Variants in THSD7B observed in about 807,000 individuals in gnomAD.
The protein encoded by THSD7B is thrombospondin type 1 domain containing 7B.
THSD7B carries 138 observed loss-of-function variants against 213.6 expected under a neutral mutation model. The observed-to-expected ratio is 0.65, with a 90% CI of 0.56 to 0.74. The LOEUF is 0.74. Ranked by LOEUF, THSD7B falls within the 30% of genes least tolerant of loss-of-function variation. The pLI is 0.00. For missense variants in THSD7B, 1,931 were observed against 1,991.5 expected (o/e 0.97, Z 0.58); for synonymous variants, 742 against 687.0 (o/e 1.08, Z -1.25).
chr2:137,465,717 T>G (rs987516283), intron 15 of THSD7B, among the ~76,000 whole-genome samples: 5 of 152,132 alleles, frequency 3.3e-5, no homozygotes, highest in Non-Finnish European at 5.9e-5. Context: ...GTACTACATG[T>G]TCATTGTTCT....
intron 2 of THSD7B, among the ~76,000 whole-genome samples, chr2:137,014,936 G>C (rs1170132320): frequency 1.3e-5 from 2 of 151,906 alleles, no homozygotes; most frequent in African/African-American, 4.8e-5. Context: ...TTCCCTACCT[G>C]CCTCTGTCTC....
intron 15 of THSD7B, among the ~76,000 whole-genome samples, chr2:137,542,988 T>A (rs1411056998): frequency 6.6e-6 from 1 of 151,716 alleles, no homozygotes; most frequent in East Asian, 1.9e-4. Context: ...GGTGAAAAGA[T>A]CAAAACGGAT....
chr2:137,117,733 G>T (rs75954314), intron 5 of THSD7B, among the ~76,000 whole-genome samples: 4,800 of 152,078 alleles, frequency 0.032, 120 homozygotes, highest in Admixed American at 0.06. Flanking sequence ...TACAATCTTG[G>T]GGGGGAAAAA....
chr2:136,983,414 A>G (rs1685621491), intron 2 of THSD7B, among the ~76,000 whole-genome samples: 1 of 70,472 alleles, frequency 1.4e-5, no homozygotes, highest in African/African-American at 3.6e-5. Context: ...CTTAGGAAGC[A>G]AATGGCCAAA....
At chr2:137,192,626 A>G (rs1262535423) in intron 7 of THSD7B, among the ~76,000 whole-genome samples, 1 of 152,174 alleles carries the variant, frequency 6.6e-6, no homozygotes, top group African/African-American at 2.4e-5. Flanking sequence ...ATGAATAAGG[A>G]ATAGCAGGGC....
intron 2 of THSD7B, among the ~76,000 whole-genome samples, chr2:136,934,495 A>G (rs1004619302): frequency 4.7e-4 from 71 of 152,302 alleles, no homozygotes; most frequent in African/African-American, 1.7e-3. Flanking sequence ...AACATGGATA[A>G]CTTCACTGCA....
chr2:137,306,591 C>A (rs574615511), intron 12 of THSD7B, among the ~76,000 whole-genome samples: 1 of 152,024 alleles, frequency 6.6e-6, no homozygotes, highest in Non-Finnish European at 1.5e-5. Context: ...ACCTAATGGG[C>A]ATAATTTAAA....
intron 12 of THSD7B, among the ~76,000 whole-genome samples, chr2:137,363,271 A>G (rs536448714): frequency 2.0e-5 from 3 of 152,356 alleles, no homozygotes; most frequent in East Asian, 3.9e-4. Context: ...CTAAATGCCC[A>G]CAAGAGAAAG....
At chr2:136,823,569 C>T (rs888798347) in intron 1 of THSD7B, among the ~76,000 whole-genome samples, 1 of 152,076 alleles carries the variant, frequency 6.6e-6, no homozygotes, top group Non-Finnish European at 1.5e-5. Context: ...TATCTCCATA[C>T]ATTTACTTCT....
intron 3 of THSD7B, among the ~76,000 whole-genome samples, chr2:137,083,524 G>GT (rs970768394): frequency 2.9e-4 from 44 of 152,132 alleles, no homozygotes; most frequent in Admixed American, 9.8e-4. Context: ...GTATATGCAG[G>GT]TTTTTTTCTT....
At chr2:137,153,520 A>G (rs570318934) in intron 5 of THSD7B, among the ~76,000 whole-genome samples, 11 of 152,176 alleles carry the variant, frequency 7.2e-5, no homozygotes, top group Non-Finnish European at 1.6e-4. Context: ...TAATAGGATG[A>G]GAAGTGATTT....
chr2:137,310,428 T>C (rs373337954), intron 12 of THSD7B, among the ~76,000 whole-genome samples: 27 of 146,910 alleles, frequency 1.8e-4, no homozygotes, highest in South Asian at 2.3e-4. Context: ...GAGTAGGTTG[T>C]GAAAATTTTC....
At chr2:137,546,760 T>C (rs1011460290) in intron 15 of THSD7B, among the ~76,000 whole-genome samples, 4 of 151,326 alleles carry the variant, frequency 2.6e-5, no homozygotes, top group Admixed American at 2.0e-4. Context: ...TTTATATAAA[T>C]GGGTTAGTTG....
At chr2:136,954,733 AAG>A (rs1177421039) in intron 2 of THSD7B, among the ~76,000 whole-genome samples, 1 of 150,390 alleles carries the variant, frequency 6.6e-6, no homozygotes, top group African/African-American at 2.5e-5. Flanking sequence ...AAAAAAAAAA[AAG>A]AAATTACATA....
chr2:137,467,777 C>G (rs970699849), intron 15 of THSD7B, among the ~76,000 whole-genome samples: 6 of 152,116 alleles, frequency 3.9e-5, no homozygotes, highest in Non-Finnish European at 5.9e-5. Flanking sequence ...CAGGGCTCTT[C>G]CTTGACACTT....
chr2:137,634,288 C>T (rs1182626329), intron 20 of THSD7B, among the ~76,000 whole-genome samples: 1 of 152,030 alleles, frequency 6.6e-6, no homozygotes. Flanking sequence ...AACTTATGTT[C>T]AAAAGAAGTG....
intron 2 of THSD7B, among the ~76,000 whole-genome samples, chr2:136,923,316 T>C (rs1277390084): frequency 6.6e-6 from 1 of 152,232 alleles, no homozygotes; most frequent in Non-Finnish European, 1.5e-5. Context: ...TTCCATTTTA[T>C]TTATATATTT....
At chr2:137,466,248 G>A (rs1687988265) in intron 15 of THSD7B, among the ~76,000 whole-genome samples, 1 of 152,094 alleles carries the variant, frequency 6.6e-6, no homozygotes, top group South Asian at 2.1e-4. Context: ...CAGTGTACTT[G>A]TGCTATTATT....
intron 15 of THSD7B, among the ~76,000 whole-genome samples, chr2:137,453,175 A>T (rs180920380): frequency 8.6e-5 from 13 of 151,884 alleles, no homozygotes; most frequent in African/African-American, 2.4e-4. Context: ...GTTATATATT[A>T]AAAAAAAGTT....
Sources: gnomAD v4.1 joint callset for allele counts (sites outside exome capture counted in the v4.1 genomes callset) on GRCh38, gnomAD v4.1.1 for gene constraint, MANE v1.5 for transcripts, NCBI Gene and HGNC (gene_info 2026-07-23, HGNC 2026-07-21) for gene names.